The following ZNF710 variants were observed in gnomAD, a reference collection of about 807,000 sequenced individuals.
ZNF710 encodes zinc finger protein 710.
ZNF710 carries 13 observed loss-of-function variants against 50.6 expected under a neutral mutation model. The ratio of observed to expected loss-of-function variants is 0.26; its 90% CI spans 0.17 to 0.41. ZNF710 has a LOEUF of 0.41. Ranked by LOEUF, ZNF710 falls within the 10% of genes least tolerant of loss-of-function variation. The pLI is 1.00. For missense variants in ZNF710, 721 were observed against 936.6 expected, an observed-to-expected ratio of 0.77 and a Z score of 3.01; for synonymous variants, 383 against 397.0, an observed-to-expected ratio of 0.96 and a Z score of 0.42.
intron 1 of ZNF710, among the ~76,000 whole-genome samples, chr15:90,063,508 A>G (rs1317331675): frequency 6.6e-6 from 1 of 152,050 alleles, no homozygotes; most frequent in Admixed American, 6.5e-5. Flanking sequence ...GCCCCCACTT[A>G]GGCACAAACC....
At chr15:90,052,180 C>T (rs1283993481) in intron 1 of ZNF710, among the ~76,000 whole-genome samples, 6 of 152,272 alleles carry the variant, frequency 3.9e-5, no homozygotes, top group African/African-American at 1.4e-4. Flanking sequence ...CGCTTCTCAC[C>T]TGCAGCCAGA....
intron 1 of ZNF710, among the ~76,000 whole-genome samples, chr15:90,052,099 G>T (rs943840472): frequency 7.9e-5 from 12 of 152,058 alleles, no homozygotes; most frequent in African/African-American, 2.9e-4. Context: ...CCCAGGAGGT[G>T]CTGAGCCAGC....
intron 1 of ZNF710, among the ~76,000 whole-genome samples, chr15:90,032,171 T>C (rs1284630878): frequency 6.6e-6 from 1 of 152,182 alleles, no homozygotes; most frequent in East Asian, 1.9e-4. Context: ...CTAATTTTTG[T>C]ATTTTTAGTA....
At chr15:90,055,531 G>A (rs1020112985) in intron 1 of ZNF710, among the ~76,000 whole-genome samples, 17 of 152,244 alleles carry the variant, frequency 1.1e-4, no homozygotes, top group Admixed American at 5.9e-4. Context: ...TGACTGGGAT[G>A]TGGAGCAGGT....
At position 90,073,051 on chromosome 15, in the gene ZNF710, C is replaced by T. The variant is rs1352872867; in HGVS notation, c.1459-20C>T. ...GCTGTGCCCATTGTGTGGCCCTGAC[C>T]ATCACCCCCCACCCCACAGGGCGTG... On this transcript the variant is annotated intron_variant, in intron 2 of 4. Coordinates refer to ENST00000268154, the MANE Select transcript of ZNF710 (RefSeq NM_198526.4). 7 of 1,608,352 alleles carry T rather than the reference C, an allele frequency of 4.4e-6. No homozygotes were observed. In the South Asian group the frequency reaches 7.7e-5, roughly 18 times the overall value.
chr15:90,043,298 A>G (rs187608603), intron 1 of ZNF710, among the ~76,000 whole-genome samples: 2,018 of 152,348 alleles, frequency 0.013, 18 homozygotes, highest in Non-Finnish European at 0.015. Flanking sequence ...GCGGGCACCC[A>G]GGGGGCCGAG....
At chr15:90,039,591 T>C (rs1028024039) in intron 1 of ZNF710, among the ~76,000 whole-genome samples, 1 of 152,216 alleles carries the variant, frequency 6.6e-6, no homozygotes, top group African/African-American at 2.4e-5. Context: ...CCAATCCATC[T>C]TGATGACTGC....
chr15:90,021,092 G>A (rs1323436524), intron 1 of ZNF710, among the ~76,000 whole-genome samples: 3 of 151,392 alleles, frequency 2.0e-5, no homozygotes, highest in East Asian at 1.9e-4. Context: ...GGAGTCAAAC[G>A]TTTCTCCAGT....
At chr15:90,028,174 A>G (rs1898833854) in intron 1 of ZNF710, among the ~76,000 whole-genome samples, 1 of 152,232 alleles carries the variant, frequency 6.6e-6, no homozygotes, top group Non-Finnish European at 1.5e-5. Flanking sequence ...ATACCCATAC[A>G]CCAATGGCTG....
In ZNF710 at chr15:90,008,430, A is replaced by ATATATATATACATATATATATATG. The variant is rs1555454972; in HGVS notation, c.-29+6827_-29+6850dup. ...TATACGTGTGTGTGTGTGTGTGTAT[A>ATATATATATACATATATATATATG]TATATATATACATATATATATATGT... On this transcript the variant is annotated intron_variant, in intron 1 of 4. Transcript: ENST00000268154. Among the ~76,000 whole-genome samples the ATATATATATACATATATATATATG allele has an allele frequency of 8.0e-5, 11 of 138,172 alleles. No individual in the cohort carries two copies. The East Asian group carries it at 1.8e-3, about 22-fold the overall frequency. 90.6% of individuals were successfully genotyped at this position (138,172 alleles called of 152,430 possible).
chr15:90,073,645 G>C (rs1052913763), intron 3 of ZNF710, among the ~76,000 whole-genome samples: 2 of 152,114 alleles, frequency 1.3e-5, no homozygotes, highest in South Asian at 4.1e-4. Flanking sequence ...CCTGTCTCTC[G>C]GGTGTCTGGG....
intron 4 of ZNF710, among the ~76,000 whole-genome samples, chr15:90,077,983 G>A (rs867033028): frequency 4.6e-5 from 7 of 151,958 alleles, no homozygotes; most frequent in Non-Finnish European, 8.8e-5. Context: ...CGAGGCAGGC[G>A]GATCACCTGA....
Position 90,079,980 on chromosome 15 carries a change from C to A in ZNF710, c.*151C>A. On this transcript the variant is annotated 3_prime_UTR_variant, in exon 5 of 5. Transcript: ENST00000268154. ...CCCGAGTCATTTGCACCACTAGGGA[C>A]CTTTAGACCAAATGGAGACTGTACT... is the stretch of plus-strand genomic sequence containing the variant. The A allele has an allele frequency of 1.4e-6, 1 of 700,092 alleles. No individual in the cohort carries two copies. The highest frequency in any genetic ancestry group is 2.2e-6 in the Non-Finnish European group (1 of 455,204). The allele number at this position is 700,092 out of a possible 1,614,324, so 43.4% of individuals were successfully genotyped here. A position where few individuals can be genotyped will look rare whatever the true frequency, so the allele number is the denominator to read the frequency against.
intron 1 of ZNF710, among the ~76,000 whole-genome samples, chr15:90,004,621 C>T (rs1567216823): frequency 6.6e-6 from 1 of 152,218 alleles, no homozygotes; most frequent in Non-Finnish European, 1.5e-5. Context: ...GCAACTGAGG[C>T]AGGAAGAAAG....
intron 1 of ZNF710, among the ~76,000 whole-genome samples, chr15:90,023,640 C>T (rs1359160805): frequency 6.6e-6 from 1 of 152,128 alleles, no homozygotes; most frequent in Non-Finnish European, 1.5e-5. Flanking sequence ...ACCATGATCA[C>T]ACCACTGCAC....
intron 1 of ZNF710, among the ~76,000 whole-genome samples, chr15:90,030,745 G>A (rs538921658): frequency 1.6e-4 from 25 of 152,058 alleles, no homozygotes; most frequent in Non-Finnish European, 1.0e-4. Context: ...GGCTGGGCGC[G>A]GTGGCTCACG....
chr15:90,063,582 G>A (rs1160929784), intron 1 of ZNF710, among the ~76,000 whole-genome samples: 2 of 152,112 alleles, frequency 1.3e-5, no homozygotes, highest in South Asian at 2.1e-4. Context: ...TGACACAGAC[G>A]CACCTTCTCA....
intron 1 of ZNF710, among the ~76,000 whole-genome samples, chr15:90,002,937 G>A (rs1037161477): frequency 1.3e-5 from 2 of 152,086 alleles, no homozygotes; most frequent in Non-Finnish European, 2.9e-5. Flanking sequence ...GCAGTGGCGC[G>A]ATCTCGGCTC....
Position 90,019,262 on chromosome 15 carries a change from G to A in ZNF710, c.-29+17648G>A, listed in dbSNP as rs544794723. Among the ~76,000 whole-genome samples, 36 of 132,762 alleles carry A rather than the reference G, an allele frequency of 2.7e-4. No individual in the cohort carries two copies. The South Asian group carries it at 6.1e-3, about 22-fold the overall frequency. The allele number at this position is 132,762 out of a possible 152,430, so 87.1% of individuals were successfully genotyped here. A position where few individuals can be genotyped will look rare whatever the true frequency, so the allele number is the denominator to read the frequency against. Reference sequence around the variant, plus strand: ...ATTTCCATCAGGTTAAGCAGCCTCCGTCAAGTCACTTTAAAGGGTTGTATA... The same window carrying A: ...ATTTCCATCAGGTTAAGCAGCCTCCATCAAGTCACTTTAAAGGGTTGTATA... On this transcript the variant is annotated intron_variant, in intron 1 of 4. Transcript: ENST00000268154.
Sources: gnomAD v4.1 joint callset for allele counts (sites outside exome capture counted in the v4.1 genomes callset) on GRCh38, gnomAD v4.1.1 for gene constraint, MANE v1.5 for transcripts, NCBI Gene and HGNC (gene_info 2026-07-23, HGNC 2026-07-21) for gene names.